MAP3K5: variants seen among roughly 807,000 people sequenced by gnomAD.
MAP3K5 encodes ASK-1.
Under a neutral mutation model 158.7 loss-of-function variants are expected in MAP3K5, and 56 were observed. That is an observed-to-expected ratio of 0.35 (90% CI 0.28 to 0.44). The LOEUF is 0.44. MAP3K5 is among the 20% of genes least tolerant of loss of function. The pLI is 1.00. For synonymous variants in MAP3K5, 579 were observed against 601.7 expected (o/e 0.96, Z 0.55); for missense variants, 1,294 against 1,674.8 (o/e 0.77, Z 3.97).
chr6:136,672,742 C>T (rs553204762), intron 7 of MAP3K5, among the ~76,000 whole-genome samples: 53 of 152,132 alleles, frequency 3.5e-4, no homozygotes, highest in Middle Eastern at 3.4e-3. Context: ...TGGCTCCCAG[C>T]CCTTTGGGAG....
intron 28 of MAP3K5, 62 bp downstream of exon 28, chr6:136,561,471 C>A: frequency 8.1e-7 from 1 of 1,232,842 alleles, no homozygotes; most frequent in Non-Finnish European, 1.2e-6. Context: ...TGTCACATAG[C>A]AGGCACCCAA....
intron 7 of MAP3K5, among the ~76,000 whole-genome samples, chr6:136,671,326 T>C (rs1472781334): frequency 6.6e-6 from 1 of 152,180 alleles, no homozygotes; most frequent in Non-Finnish European, 1.5e-5. Context: ...ACAAACAATA[T>C]ATATTTTTGT....
chr6:136,757,391 G>A (rs1017493913), intron 1 of MAP3K5, among the ~76,000 whole-genome samples: 1 of 152,132 alleles, frequency 6.6e-6, no homozygotes, highest in Non-Finnish European at 1.5e-5. Context: ...ATAAGCTCAA[G>A]GGAGATGTTT....
intron 1 of MAP3K5, among the ~76,000 whole-genome samples, chr6:136,743,191 C>G (rs1218765361): frequency 6.6e-6 from 1 of 152,018 alleles, no homozygotes; most frequent in Admixed American, 6.5e-5. Context: ...TGGCTCACGC[C>G]TGTAATCCCA....
intron 14 of MAP3K5, chr6:136,629,222 AAAC>A (rs1229504442): frequency 2.6e-5 from 4 of 152,224 alleles, no homozygotes; most frequent in African/African-American, 9.7e-5. Flanking sequence ...CTCTCGAAGG[AAAC>A]AACCACCTTA....
intron 15 of MAP3K5, among the ~76,000 whole-genome samples, chr6:136,619,092 G>C (rs191248898): frequency 7.2e-5 from 11 of 152,176 alleles, no homozygotes; most frequent in Non-Finnish European, 1.0e-4. Context: ...TGAAAGTCAC[G>C]CACTAAGGAT....
intron 15 of MAP3K5, among the ~76,000 whole-genome samples, chr6:136,618,680 A>G (rs9321564): frequency 0.3 from 45,629 of 152,102 alleles, 9,020 homozygotes; most frequent in African/African-American, 0.55. Context: ...CCTTAAGAAC[A>G]CATAGGACTA....
intron 6 of MAP3K5, 103 bp from the exon 7 acceptor site, chr6:136,694,413 T>C: frequency 1.1e-6 from 1 of 949,598 alleles, no homozygotes; most frequent in Non-Finnish European, 1.5e-6. Flanking sequence ...ATTAGAGAAA[T>C]TTGCCAGGAC....
At chr6:136,658,248 G>T (rs1253242287) in intron 9 of MAP3K5, among the ~76,000 whole-genome samples, 1 of 150,332 alleles carries the variant, frequency 6.7e-6, no homozygotes, top group East Asian at 1.9e-4. Context: ...ATAGCTAATG[G>T]TTAATCGCTA....
chr6:136,579,418 G>C (rs1353179922), intron 25 of MAP3K5, among the ~76,000 whole-genome samples: 1 of 152,218 alleles, frequency 6.6e-6, no homozygotes, highest in Non-Finnish European at 1.5e-5. Flanking sequence ...AGCTGGGGCT[G>C]TGTCTAGACC....
chr6:136,672,834 A>G (rs1410131831), intron 7 of MAP3K5, among the ~76,000 whole-genome samples: 1 of 151,964 alleles, frequency 6.6e-6, no homozygotes, highest in Non-Finnish European at 1.5e-5. Context: ...TACTAAAAAT[A>G]TAAAAATTAG....
At position 136,735,077 on chromosome 6, in the gene MAP3K5, T is replaced by C. The variant is rs1782397852; in HGVS notation, c.449-14488A>G. The stretch of plus-strand genomic sequence containing the variant: ...CTTCACATTCTCTGATGATGTTCAG[T>C]AGCAAAAATGGCTATGGTAGTTTAA... On this transcript the variant is annotated intron_variant, in intron 1 of 29. Coordinates refer to ENST00000359015, the MANE Select transcript of MAP3K5 (RefSeq NM_005923.4). 2.6e-5 allele frequency among the ~76,000 whole-genome samples: 4 copies of C among 152,242 alleles called. No individual in the cohort carries two copies. In the South Asian group the frequency reaches 8.3e-4, roughly 31 times the overall value.
Position 136,562,505 on chromosome 6 carries a change from A to G in MAP3K5, c.3872T>C (p.Ile1291Thr), listed in dbSNP as rs1400906111. 3 of 1,545,370 alleles carry G rather than the reference A, an allele frequency of 1.9e-6. No individual in the cohort carries two copies. The highest frequency in any genetic ancestry group is 2.3e-5 in the South Asian group (2 of 85,968). The change falls in exon 27 of 30, where the codon ATA becomes ACA. Residue 1291 changes from isoleucine (I) to threonine (T), a missense_variant and splice_region_variant. Around this residue, in one of 5 missense-constraint regions of MAP3K5, gnomAD observed 199 missense variants for 220.3 expected, o/e 0.90. Transcript: ENST00000359015. ...IKHLKLKSQP[I>T]EIPELPVFHL... ...CTATAAAACTTTCTGCTATTCACCT[A>G]TGGGTTGGGACTTAAGCTTCAGGTG...
intron 1 of MAP3K5, among the ~76,000 whole-genome samples, chr6:136,745,022 T>C (rs1278998273): frequency 6.6e-6 from 1 of 152,148 alleles, no homozygotes; most frequent in African/African-American, 2.4e-5. Context: ...ATTTTCACAT[T>C]AATGGAAATA....
At chr6:136,611,210 T>C (rs1290305290) in intron 18 of MAP3K5, 72 bp downstream of exon 18, 1 of 788,208 alleles carries the variant, frequency 1.3e-6, no homozygotes, top group Non-Finnish European at 2.2e-6. Context: ...AATTTCTCTC[T>C]CACATTGTGC....
At chr6:136,562,364 T>A in intron 27 of MAP3K5, 139 bp downstream of exon 27, 1 of 445,284 alleles carries the variant, frequency 2.2e-6, no homozygotes, top group Non-Finnish European at 4.1e-6. Flanking sequence ...ATTTTTTTTT[T>A]TTAAAGGAAT....
chr6:136,652,099 AAAACTCCTTCAGAAGGCTC>A (rs1473107689), intron 10 of MAP3K5, among the ~76,000 whole-genome samples: 1 of 152,136 alleles, frequency 6.6e-6, no homozygotes, highest in African/African-American at 2.4e-5. Context: ...AAAGTGGAGG[AAAACTCCTTCAGAAGGCTC>A]CACCCATAAG....
At chr6:136,591,613 G>T (rs1775389866) in intron 23 of MAP3K5, among the ~76,000 whole-genome samples, 1 of 152,176 alleles carries the variant, frequency 6.6e-6, no homozygotes, top group African/African-American at 2.4e-5. Flanking sequence ...CGGCAAAACT[G>T]GTTTGGTTAT....
chr6:136,791,548 C>T (rs1043674856), intron 1 of MAP3K5, among the ~76,000 whole-genome samples, 162 bp downstream of exon 1: 3 of 152,206 alleles, frequency 2.0e-5, no homozygotes, highest in African/African-American at 4.8e-5. Flanking sequence ...ACGCTCTCTC[C>T]GGAGCGGCGA....
Sources: gnomAD v4.1 joint callset for allele counts (sites outside exome capture counted in the v4.1 genomes callset) on GRCh38, gnomAD v4.1.1 for gene constraint, gnomAD v4.1.1 regional missense constraint, MANE v1.5 for transcripts, NCBI Gene and HGNC (gene_info 2026-07-23, HGNC 2026-07-21) for gene names.